The following BACC1 variants were observed in gnomAD, a reference collection of about 807,000 sequenced individuals.
The protein encoded by BACC1 is BPTF-associated chromatin complex component 1.
chr17:7,016,323 C>G, the BACC1 span: 4 of 662,432 alleles, frequency 6.0e-6, no homozygotes, highest in East Asian at 1.0e-4. Flanking sequence ...TCTCCACACT[C>G]CATCCATCCT....
the BACC1 span, chr17:7,016,998 ACT>A: frequency 6.2e-7 from 1 of 1,613,230 alleles, no homozygotes; most frequent in South Asian, 1.1e-5. Context: ...CAGCTAAGAA[ACT>A]CAACTTCGAC....
the BACC1 span, chr17:7,015,825 A>G: frequency 1.2e-6 from 2 of 1,613,764 alleles, no homozygotes; most frequent in East Asian, 2.2e-5. Flanking sequence ...CTGTGAAGCG[A>G]TTTGGGGACG....
At chr17:7,015,914 GCCTTCTTC>G in the BACC1 span, 2 of 1,550,740 alleles carry the variant, frequency 1.3e-6, no homozygotes, top group Non-Finnish European at 1.8e-6. Context: ...CGGGTGGGCA[GCCTTCTTC>G]CTCCTTACCC....
the BACC1 span, chr17:7,017,503 A>T: frequency 1.4e-6 from 1 of 717,710 alleles, no homozygotes; most frequent in Non-Finnish European, 2.6e-6. Flanking sequence ...ACAGAAAACA[A>T]TAAAGATTTC....
chr17:7,015,825 AT>A, the BACC1 span: 1 of 1,613,764 alleles, frequency 6.2e-7, no homozygotes. Flanking sequence ...CTGTGAAGCG[AT>A]TTGGGGACGA....
At chr17:7,015,408 T>G in the BACC1 span, 2 of 1,369,000 alleles carry the variant, frequency 1.5e-6, no homozygotes, top group Non-Finnish European at 1.9e-6. Flanking sequence ...CCACCGCCAC[T>G]CCCAACCACC....
chr17:7,016,369 ACCAATGG>A, the BACC1 span: 2 of 948,612 alleles, frequency 2.1e-6, no homozygotes, highest in Non-Finnish European at 3.2e-6. Context: ...TGAGAACCCT[ACCAATGG>A]GTTGGGGCCC....
At chr17:7,014,842 G>A in the BACC1 span, 1 of 1,531,836 alleles carries the variant, frequency 6.5e-7, no homozygotes, top group Non-Finnish European at 8.7e-7. This position sits in a 1 kb window ranked among gnomAD's most constrained non-coding sequence, Gnocchi z 4.5. Flanking sequence ...GTCTCCGTGA[G>A]GAGGCGCGCG....
At chr17:7,016,858 G>C in the BACC1 span, 1 of 1,563,180 alleles carries the variant, frequency 6.4e-7, no homozygotes, top group Non-Finnish European at 8.8e-7. Flanking sequence ...GCTTGGGGCT[G>C]GGGGAGAGGC....
chr17:7,015,029 C>T, the BACC1 span: 1 of 1,451,406 alleles, frequency 6.9e-7, no homozygotes, highest in African/African-American at 1.5e-5. Context: ...GGAGGGCGGG[C>T]GCCGGCCCCC....
At chr17:7,016,635 G>A in the BACC1 span, 3 of 1,613,982 alleles carry the variant, frequency 1.9e-6, 1 homozygote, top group South Asian at 3.3e-5. Flanking sequence ...CCTCCCAGCA[G>A]CTCCAGTGTC....
the BACC1 span, chr17:7,015,603 A>G: frequency 1.5e-6 from 2 of 1,367,494 alleles, no homozygotes; most frequent in Admixed American, 2.8e-5. Flanking sequence ...CGGTTCCCGC[A>G]GGGCCTCAAG....
chr17:7,017,219 G>T, the BACC1 span: 2 of 1,613,956 alleles, frequency 1.2e-6, no homozygotes, highest in Non-Finnish European at 1.7e-6. Flanking sequence ...CACACTGGGG[G>T]CTCGCTCCAT....
At chr17:7,016,413 C>G in the BACC1 span, 4 of 1,485,938 alleles carry the variant, frequency 2.7e-6, no homozygotes, top group African/African-American at 5.7e-5. Flanking sequence ...GAAGGGACTC[C>G]CAGAACCCCT....
the BACC1 span, chr17:7,015,036 C>T: frequency 1.4e-6 from 2 of 1,472,480 alleles, no homozygotes; most frequent in South Asian, 2.6e-5. Flanking sequence ...GGGCGCCGGC[C>T]CCCCGTGACG....
the BACC1 span, chr17:7,016,857 TG>T: frequency 6.4e-7 from 1 of 1,564,066 alleles, no homozygotes; most frequent in Non-Finnish European, 8.8e-7. Flanking sequence ...AGCTTGGGGC[TG>T]GGGGAGAGGC....
the BACC1 span, chr17:7,015,872 C>T: frequency 6.2e-7 from 1 of 1,613,828 alleles, no homozygotes; most frequent in Non-Finnish European, 8.5e-7. Flanking sequence ...AAGGAACGGA[C>T]AGTGTGAGGG....
At chr17:7,015,767 C>T in the BACC1 span, 2 of 1,613,040 alleles carry the variant, frequency 1.2e-6, no homozygotes, top group African/African-American at 1.3e-5. Context: ...CTCTCCCCTT[C>T]TGACAGTGCG....
At chr17:7,015,119 A>G in the BACC1 span, 2 of 1,585,216 alleles carry the variant, frequency 1.3e-6, no homozygotes, top group South Asian at 1.1e-5. Context: ...GGAGCTGACG[A>G]TGCAGCTGCA....
Sources: allele counts gnomAD v4.1 joint callset, GRCh38; gene constraint gnomAD v4.1.1; non-coding constraint Gnocchi (gnomAD v3.1); transcripts MANE v1.5; gene names NCBI Gene and HGNC (gene_info 2026-07-23, HGNC 2026-07-21).